The following TTC7B variants were observed in gnomAD, a reference collection of about 807,000 sequenced individuals.
TTC7B encodes the protein tetratricopeptide repeat domain 7B.
A neutral mutation model predicts 106.8 loss-of-function variants in TTC7B; 28 were observed. The ratio of observed to expected loss-of-function variants is 0.26; its 90% CI spans 0.19 to 0.36. TTC7B has a LOEUF of 0.36. Among genes scored for constraint, TTC7B ranks in the 10% least tolerant of loss-of-function variants. The pLI is 1.00. For synonymous variants in TTC7B, 405 were observed against 430.6 expected (o/e 0.94, Z 0.74); for missense variants, 862 against 1,076.4 (o/e 0.80, Z 2.79).
In TTC7B at chr14:90,703,966, C is replaced by CT. The variant is rs1888104088; in HGVS notation, c.699-8389dup. ...TTGAGGAGGCTCATGAGAAGAAGGACTGGAAGTGAGCATGGAATGTGAGCC... is the reference window on the plus strand; with the variant it reads ...TTGAGGAGGCTCATGAGAAGAAGGACTTGGAAGTGAGCATGGAATGTGAGCC... On this transcript the variant is annotated intron_variant, in intron 5 of 19. Coordinates refer to ENST00000328459, the MANE Select transcript of TTC7B (RefSeq NM_001010854.2). Among the ~76,000 whole-genome samples, 4 of 152,246 alleles carry CT rather than the reference C, an allele frequency of 2.6e-5. No homozygotes were observed. The South Asian group carries it at 8.3e-4, about 32-fold the overall frequency.
intron 5 of TTC7B, among the ~76,000 whole-genome samples, chr14:90,713,236 C>T (rs1888517503): frequency 6.6e-6 from 1 of 152,144 alleles, no homozygotes; most frequent in African/African-American, 2.4e-5. Flanking sequence ...GTGCCTCAGC[C>T]TCCCAAGTAG....
rs555356236 is a variant in TTC7B, at chr14:90,729,389, C to T, written c.698+686G>A. On this transcript the variant is annotated intron_variant, in intron 5 of 19. Transcript: ENST00000328459. Reference sequence around the variant, plus strand: ...GAGGGGAACGGGCCTCTAGGGGCCTCCCATGCAAAGCCTACGGGGGTGCTA... The same window carrying T: ...GAGGGGAACGGGCCTCTAGGGGCCTTCCATGCAAAGCCTACGGGGGTGCTA... 2.0e-4 allele frequency among the ~76,000 whole-genome samples: 30 copies of T among 152,280 alleles called. No homozygotes were observed. In the South Asian group the frequency reaches 4.8e-3, roughly 24 times the overall value.
At chr14:90,641,491 G>A (rs985559024) in intron 15 of TTC7B, among the ~76,000 whole-genome samples, 9 of 152,310 alleles carry the variant, frequency 5.9e-5, no homozygotes, top group Admixed American at 3.9e-4. Context: ...ATCTTGTTTC[G>A]GTTGGTGTTG....
chr14:90,733,537 C>T (rs1039587067), intron 4 of TTC7B, among the ~76,000 whole-genome samples: 1 of 152,206 alleles, frequency 6.6e-6, no homozygotes, highest in African/African-American at 2.4e-5. Context: ...TAATCCCTTC[C>T]TCACAAAGAG....
chr14:90,767,912 C>A (rs1307923222), intron 3 of TTC7B, among the ~76,000 whole-genome samples: 1 of 152,060 alleles, frequency 6.6e-6, no homozygotes, highest in Non-Finnish European at 1.5e-5. Flanking sequence ...GTGAAAAGTA[C>A]AATTATCATT....
rs1271789672 is a variant in TTC7B, at chr14:90,802,724, G to A, written c.121+13451C>T. ...TTTGCAAGTAGTCAACAGGGTTGAC[G>A]GGTACTCCCCAGGGACGCTGCTGCG... On this transcript the variant is annotated intron_variant, in intron 1 of 19. Transcript: ENST00000328459. This position sits in a 1 kb window ranked among gnomAD's most constrained non-coding sequence, Gnocchi z 4.7. Among the ~76,000 whole-genome samples the A allele has an allele frequency of 4.6e-5, 7 of 151,894 alleles. No individual in the cohort carries two copies. The highest frequency in any genetic ancestry group is 7.4e-5 in the Non-Finnish European group (5 of 67,972).
At chr14:90,636,971 A>G (rs1468707252) in intron 15 of TTC7B, among the ~76,000 whole-genome samples, 8 of 150,234 alleles carry the variant, frequency 5.3e-5, no homozygotes, top group Admixed American at 5.3e-4. Flanking sequence ...GAGATTAAGA[A>G]AAAAAAAAAA....
chr14:90,734,399 G>T (rs1776726826), intron 4 of TTC7B, among the ~76,000 whole-genome samples: 1 of 145,388 alleles, frequency 6.9e-6, no homozygotes, highest in South Asian at 2.2e-4. Context: ...CAGCCTGAGT[G>T]ACAGAGTGAG....
intron 15 of TTC7B, among the ~76,000 whole-genome samples, chr14:90,625,918 G>A (rs1884418527): frequency 6.6e-6 from 1 of 152,196 alleles, no homozygotes; most frequent in African/African-American, 2.4e-5. Flanking sequence ...CCCAAAGCTG[G>A]AAAAGGCCTT....
intron 1 of TTC7B, among the ~76,000 whole-genome samples, chr14:90,812,675 G>A (rs1318285106): frequency 4.0e-5 from 6 of 149,464 alleles, no homozygotes; most frequent in South Asian, 2.1e-4. Context: ...GGACTCACCC[G>A]GGTCTGGTGC....
intron 19 of TTC7B, among the ~76,000 whole-genome samples, chr14:90,542,738 TGGGTG>T (rs1055619069): frequency 1.8e-4 from 1 of 5,584 alleles, no homozygotes; most frequent in Non-Finnish European, 3.2e-4. Flanking sequence ...CTTGGTGGGG[TGGGTG>T]GGGTGGGGAG....
At chr14:90,660,516 C>T (rs1198844483) in intron 9 of TTC7B, among the ~76,000 whole-genome samples, 1 of 151,846 alleles carries the variant, frequency 6.6e-6, no homozygotes, top group East Asian at 1.9e-4. Context: ...AGAGAAGGCT[C>T]ACAGCAGGGT....
At chr14:90,719,947 G>A (rs1357015152) in intron 5 of TTC7B, among the ~76,000 whole-genome samples, 3 of 151,900 alleles carry the variant, frequency 2.0e-5, no homozygotes, top group Admixed American at 6.6e-5. Flanking sequence ...GCCCACATGC[G>A]ACCCAGGATG....
chr14:90,572,558 T>G (rs1891076598), intron 19 of TTC7B, among the ~76,000 whole-genome samples: 1 of 152,224 alleles, frequency 6.6e-6, no homozygotes, highest in African/African-American at 2.4e-5. Context: ...CCTCAAGTTT[T>G]TATATTTGAT....
intron 18 of TTC7B, among the ~76,000 whole-genome samples, chr14:90,591,342 C>A (rs533905809): frequency 1.1e-4 from 16 of 152,150 alleles, no homozygotes; most frequent in Non-Finnish European, 1.8e-4. Flanking sequence ...CTCCAACCCC[C>A]CGAAAAAATA....
intron 19 of TTC7B, among the ~76,000 whole-genome samples, chr14:90,566,028 G>C (rs1233870327): frequency 3.3e-5 from 5 of 152,136 alleles, no homozygotes; most frequent in East Asian, 1.9e-4. Flanking sequence ...GTGACACAGA[G>C]AAACACAGTG....
chr14:90,638,591 G>A (rs547175909), intron 15 of TTC7B, among the ~76,000 whole-genome samples: 6 of 152,274 alleles, frequency 3.9e-5, no homozygotes, highest in African/African-American at 9.6e-5. Context: ...TACTTGTAAA[G>A]GCCTAAATAA....
intron 19 of TTC7B, among the ~76,000 whole-genome samples, chr14:90,546,576 T>C (rs1308760363): frequency 6.6e-6 from 1 of 152,162 alleles, no homozygotes; most frequent in African/African-American, 2.4e-5. Context: ...CCTGAGGCCA[T>C]AATGCACCCC....
At chr14:90,583,842 G>A (rs1000769660) in intron 18 of TTC7B, among the ~76,000 whole-genome samples, 10 of 152,182 alleles carry the variant, frequency 6.6e-5, no homozygotes, top group African/African-American at 1.9e-4. Context: ...TCTCCCCACC[G>A]TGTACAAAGC....
Sources: gnomAD v4.1 joint callset for allele counts (sites outside exome capture counted in the v4.1 genomes callset) on GRCh38, gnomAD v4.1.1 for gene constraint, Gnocchi (gnomAD v3.1) non-coding constraint, MANE v1.5 for transcripts, NCBI Gene and HGNC (gene_info 2026-07-23, HGNC 2026-07-21) for gene names.